Variants in RAD51B observed in about 807,000 individuals in gnomAD.
RAD51B encodes the protein DNA repair protein RAD51 homolog 2.
A neutral mutation model predicts 42.2 loss-of-function variants in RAD51B; 38 were observed. The ratio of observed to expected loss-of-function variants is 0.90; its 90% CI spans 0.70 to 1.18. The LOEUF (loss-of-function observed/expected upper bound fraction) is 1.18, where lower values mean the gene tolerates loss of function less well. Ranked by LOEUF, RAD51B falls within the 50% of genes most tolerant of loss-of-function variation. The probability of loss-of-function intolerance (pLI) is 0.00; values close to 1 mark genes in which losing one functional copy is unlikely to be tolerated. For synonymous variants in RAD51B, 154 were observed against 145.2 expected (o/e 1.06, Z -0.43); for missense variants, 373 against 400.7 (o/e 0.93, Z 0.59).
intron 2 of RAD51B, 43 bp downstream of exon 2, chr14:67,823,670 A>G: frequency 6.8e-7 from 1 of 1,474,026 alleles, no homozygotes; most frequent in Non-Finnish European, 9.4e-7. Flanking sequence ...TTTATGCACA[A>G]GTTAACTTTA....
intron 4 of RAD51B, among the ~76,000 whole-genome samples, chr14:67,851,619 C>T (rs2041810718): frequency 6.6e-6 from 1 of 151,250 alleles, no homozygotes; most frequent in East Asian, 2.0e-4. Context: ...CGGCAGAGGA[C>T]CTGTTCAGTT....
intron 9 of RAD51B, among the ~76,000 whole-genome samples, chr14:68,429,286 G>C (rs776916844): frequency 1.6e-4 from 25 of 152,104 alleles, no homozygotes; most frequent in Non-Finnish European, 2.4e-4. Flanking sequence ...GGGATGGCTG[G>C]GTCAAATGGT....
At chr14:68,193,984 T>C (rs545864115) in intron 7 of RAD51B, among the ~76,000 whole-genome samples, 1 of 152,284 alleles carries the variant, frequency 6.6e-6, no homozygotes, top group Non-Finnish European at 1.5e-5. Context: ...AGAAATGGCC[T>C]GGGACATTAA....
chr14:68,451,516 C>T (rs1179259706), intron 9 of RAD51B, among the ~76,000 whole-genome samples: 1 of 152,176 alleles, frequency 6.6e-6, no homozygotes, highest in Non-Finnish European at 1.5e-5. Context: ...AAACTAATTT[C>T]GTTTGTGCTT....
intron 7 of RAD51B, among the ~76,000 whole-genome samples, chr14:68,131,748 C>T (rs1028558428): frequency 1.3e-5 from 2 of 152,078 alleles, no homozygotes; most frequent in African/African-American, 4.8e-5. Flanking sequence ...GCTCTCTGTT[C>T]TGGTCAGACC....
chr14:67,908,904 A>G (rs1357050615), intron 7 of RAD51B: 106 of 152,312 alleles, frequency 7.0e-4, no homozygotes, highest in Admixed American at 6.9e-3. Context: ...AAAGATTAAA[A>G]GTATTTTCAT....
At chr14:68,406,450 A>G (rs1409984789) in intron 8 of RAD51B, among the ~76,000 whole-genome samples, 3 of 152,212 alleles carry the variant, frequency 2.0e-5, no homozygotes, top group Non-Finnish European at 4.4e-5. Context: ...ATCTAAACAG[A>G]AAAGGTACAA....
chr14:68,633,609 T>C (rs1305583412), intron 10 of RAD51B, among the ~76,000 whole-genome samples: 1 of 151,856 alleles, frequency 6.6e-6, no homozygotes, highest in Non-Finnish European at 1.5e-5. Flanking sequence ...CCCACAAGAG[T>C]CTATTGTTCG....
At chr14:67,987,400 G>C (rs575265876) in intron 7 of RAD51B, among the ~76,000 whole-genome samples, 1 of 151,978 alleles carries the variant, frequency 6.6e-6, no homozygotes, top group African/African-American at 2.4e-5. Flanking sequence ...GAGTTCAATT[G>C]TTTTGATTTT....
intron 10 of RAD51B, among the ~76,000 whole-genome samples, chr14:68,564,314 C>T (rs1889310595): frequency 6.6e-6 from 1 of 152,212 alleles, no homozygotes; most frequent in African/African-American, 2.4e-5. Context: ...TCCTTTGCAG[C>T]CTGTGGGTAT....
At chr14:68,456,750 A>G (rs1451525905) in intron 9 of RAD51B, among the ~76,000 whole-genome samples, 1 of 152,192 alleles carries the variant, frequency 6.6e-6, no homozygotes, top group Non-Finnish European at 1.5e-5. Context: ...AGGCATCTAT[A>G]GAACACTCTA....
At chr14:68,563,943 G>A in intron 10 of RAD51B, 1 of 979,010 alleles carries the variant, frequency 1.0e-6, no homozygotes, top group Non-Finnish European at 1.2e-6. Context: ...GGCCCTGATA[G>A]AGAACTCTTG....
At chr14:67,980,795 A>G (rs2075077285) in intron 7 of RAD51B, among the ~76,000 whole-genome samples, 1 of 152,186 alleles carries the variant, frequency 6.6e-6, no homozygotes, top group Non-Finnish European at 1.5e-5. Context: ...AAGAATACAT[A>G]GGGAGAAAGT....
At chr14:67,855,873 T>C (rs1016176614) in intron 4 of RAD51B, among the ~76,000 whole-genome samples, 1 of 152,180 alleles carries the variant, frequency 6.6e-6, no homozygotes, top group Non-Finnish European at 1.5e-5. Context: ...TTGAGTACAG[T>C]CTGCTGACAT....
Position 67,923,245 on chromosome 14 carries a change from T to G in RAD51B, c.756+36041T>G, listed in dbSNP as rs189735643. On this transcript the variant is annotated intron_variant, in intron 7 of 10. Coordinates refer to ENST00000471583, the MANE Select transcript of RAD51B (RefSeq NM_133510.4). Reference sequence around the variant, plus strand: ...GTAGTATTCCACAGTGTGTATGGGGTGTGTGTGTGTGTATATATATATATC... The same window carrying G: ...GTAGTATTCCACAGTGTGTATGGGGGGTGTGTGTGTGTATATATATATATC... Among the ~76,000 whole-genome samples the G allele has an allele frequency of 2.5e-3, 381 of 151,266 alleles. 2 individuals are homozygous for G. Among genetic ancestry groups the G allele is most frequent in the African/African-American group, 8.8e-3 (365 of 41,320 alleles).
At chr14:68,092,657 T>G (rs1432752351) in intron 7 of RAD51B, among the ~76,000 whole-genome samples, 2 of 152,226 alleles carry the variant, frequency 1.3e-5, no homozygotes, top group African/African-American at 4.8e-5. Flanking sequence ...AGGGACAATT[T>G]GACTTCCCCT....
At chr14:68,520,474 T>G (rs1229176980) in intron 10 of RAD51B, among the ~76,000 whole-genome samples, 1 of 152,226 alleles carries the variant, frequency 6.6e-6, no homozygotes, top group Non-Finnish European at 1.5e-5. Flanking sequence ...TTTGCTAAGT[T>G]CATGATCATG....
At chr14:68,600,516 G>A (rs1377160967), downstream of RAD51B, among the ~76,000 whole-genome samples, 2 of 152,068 alleles carry the variant, frequency 1.3e-5, no homozygotes, top group South Asian at 2.1e-4. Context: ...ATTGGCAGGT[G>A]CAGTCCTGGG....
intron 10 of RAD51B, among the ~76,000 whole-genome samples, chr14:68,503,227 C>A (rs1288842292): frequency 6.6e-6 from 1 of 152,090 alleles, no homozygotes; most frequent in Non-Finnish European, 1.5e-5. Context: ...GATGGGGAGG[C>A]CTTGGAGGTA....
Sources: allele counts gnomAD v4.1 joint callset (sites outside exome capture counted in the v4.1 genomes callset), GRCh38; gene constraint gnomAD v4.1.1; transcripts MANE v1.5; gene names NCBI Gene and HGNC (gene_info 2026-07-23, HGNC 2026-07-21).